The following CREB5 variants were observed in gnomAD, a reference collection of about 807,000 sequenced individuals.
CREB5 encodes cyclic AMP-responsive element-binding protein 5.
A neutral mutation model predicts 57.1 loss-of-function variants in CREB5; 19 were observed. The observed-to-expected ratio is 0.33, with a 90% confidence interval of 0.23 to 0.49. CREB5 has a LOEUF of 0.49. CREB5 is among the 20% of genes least tolerant of loss of function. CREB5 has a pLI of 0.99. For missense variants in CREB5, 579 were observed against 671.6 expected (o/e 0.86, Z 1.52); for synonymous variants, 238 against 238.3 (o/e 1.00, Z 0.01).
chr7:28,497,104 G>C (rs1792089639), intron 3 of CREB5, among the ~76,000 whole-genome samples: 1 of 152,194 alleles, frequency 6.6e-6, no homozygotes, highest in Admixed American at 6.5e-5. Context: ...CTGCCTGGTG[G>C]TAAAGGAGTG....
chr7:28,485,456 A>G (rs1057191797), intron 1 of CREB5, among the ~76,000 whole-genome samples: 1 of 151,940 alleles, frequency 6.6e-6, no homozygotes, highest in Non-Finnish European at 1.5e-5. Context: ...TTATAATTTT[A>G]TAAATAGATA....
rs575553199 is a variant in CREB5 at position 28,550,623 on chromosome 7, C to T, written c.292-19742C>T. ...ATCCCTTACTTCCTCACCTTCTCCG[C>T]CTCCCACCTATAAAATGTTCTTGGG... is the stretch of plus-strand genomic sequence containing the variant. On this transcript the variant is annotated intron_variant, in intron 4 of 10. Coordinates refer to ENST00000357727, the MANE Select transcript of CREB5 (RefSeq NM_182898.4). 1.1e-4 allele frequency among the ~76,000 whole-genome samples: 17 copies of T among 152,300 alleles called. No individual in the cohort carries two copies. In the East Asian group the frequency reaches 1.7e-3, roughly 16 times the overall value.
At chr7:28,538,056 G>A (rs1794041079) in intron 4 of CREB5, among the ~76,000 whole-genome samples, 1 of 151,714 alleles carries the variant, frequency 6.6e-6, no homozygotes. Context: ...GTTTTGTTTT[G>A]TTTTTATTTT....
At chr7:28,637,046 TG>T (rs1356453094) in intron 5 of CREB5, among the ~76,000 whole-genome samples, 1 of 151,946 alleles carries the variant, frequency 6.6e-6, no homozygotes, top group African/African-American at 2.4e-5. Flanking sequence ...CCCAGCTACT[TG>T]GGAGGCTGAG....
At chr7:28,761,038 T>C (rs750238202) in intron 7 of CREB5, among the ~76,000 whole-genome samples, 1 of 152,222 alleles carries the variant, frequency 6.6e-6, no homozygotes, top group Non-Finnish European at 1.5e-5. Context: ...TTTGCCTACA[T>C]GCGCTTCCTC....
At chr7:28,593,667 T>C (rs1052764748) in intron 5 of CREB5, among the ~76,000 whole-genome samples, 1 of 152,220 alleles carries the variant, frequency 6.6e-6, no homozygotes, top group African/African-American at 2.4e-5. Flanking sequence ...GAGCTTTGCA[T>C]TTATTTCCAC....
intron 3 of CREB5, among the ~76,000 whole-genome samples, chr7:28,506,568 G>A (rs6969546): frequency 0.2 from 30,264 of 152,208 alleles, 3,332 homozygotes; most frequent in African/African-American, 0.28. Flanking sequence ...CCTTAAGCAA[G>A]ACTGTTAATT....
chr7:28,646,795 T>C (rs1798906078), intron 5 of CREB5, among the ~76,000 whole-genome samples: 1 of 152,142 alleles, frequency 6.6e-6, no homozygotes. Flanking sequence ...GCAAATGAGA[T>C]TTTTTTAAAA....
At chr7:28,678,659 A>G (rs1221265206) in intron 5 of CREB5, among the ~76,000 whole-genome samples, 1 of 152,254 alleles carries the variant, frequency 6.6e-6, no homozygotes, top group African/African-American at 2.4e-5. Context: ...TTTGGAAACC[A>G]AAATATTATG....
At chr7:28,535,781 G>T (rs138254084) in intron 4 of CREB5, among the ~76,000 whole-genome samples, 29 of 152,252 alleles carry the variant, frequency 1.9e-4, no homozygotes, top group African/African-American at 6.7e-4. Flanking sequence ...TTCTAGGAAA[G>T]GTTCTTTCTG....
chr7:28,417,823 A>G (rs1788087068), intron 1 of CREB5, among the ~76,000 whole-genome samples: 1 of 152,252 alleles, frequency 6.6e-6, no homozygotes, highest in South Asian at 2.1e-4. Flanking sequence ...TTAAGAAAAT[A>G]TAACTGATAA....
At chr7:28,327,906 T>G (rs1009403183) in intron 1 of CREB5, among the ~76,000 whole-genome samples, 3 of 152,208 alleles carry the variant, frequency 2.0e-5, no homozygotes, top group Admixed American at 2.0e-4. Context: ...TTCCACTTCC[T>G]TTTTCAAAAA....
intron 1 of CREB5, among the ~76,000 whole-genome samples, chr7:28,314,881 G>A (rs567904438): frequency 8.5e-5 from 13 of 152,304 alleles, no homozygotes; most frequent in South Asian, 4.1e-4. Flanking sequence ...GCACATCAGC[G>A]TGTTGAAGGC....
chr7:28,710,589 GCCCA>G (rs2128742841), intron 5 of CREB5, among the ~76,000 whole-genome samples: 1 of 152,184 alleles, frequency 6.6e-6, no homozygotes, highest in Non-Finnish European at 1.5e-5. Flanking sequence ...GGAGTTTTAA[GCCCA>G]CCTGGGCACC....
At chr7:28,654,399 C>T (rs975202624) in intron 5 of CREB5, among the ~76,000 whole-genome samples, 8 of 152,088 alleles carry the variant, frequency 5.3e-5, no homozygotes, top group Non-Finnish European at 1.0e-4. Context: ...CTTTGAGGCT[C>T]GCAAATGGCA....
At position 28,520,385 on chromosome 7, in the gene CREB5, C is replaced by A. The variant is rs147149655; in HGVS notation, c.291+12648C>A. On this transcript the variant is annotated intron_variant, in intron 4 of 10. Transcript: ENST00000357727. ...ATATTAGCCAGTTGGGGCATGAGGTCCAAACAAGAATTACTCATATTTGCA... is the reference window on the plus strand; with the variant it reads ...ATATTAGCCAGTTGGGGCATGAGGTACAAACAAGAATTACTCATATTTGCA... Among the ~76,000 whole-genome samples, 334 of 152,264 alleles carry A rather than the reference C, an allele frequency of 2.2e-3. 2 individuals are homozygous for A. Among genetic ancestry groups the A allele is most frequent in the African/African-American group, 7.5e-3 (313 of 41,550 alleles).
intron 3 of CREB5, among the ~76,000 whole-genome samples, chr7:28,496,507 G>T (rs1244645573): frequency 6.6e-6 from 1 of 152,150 alleles, no homozygotes; most frequent in Non-Finnish European, 1.5e-5. Context: ...GGGAGGAAGG[G>T]CACAGGTGAT....
chr7:28,595,018 A>G (rs1274101835), intron 5 of CREB5, among the ~76,000 whole-genome samples: 2 of 152,098 alleles, frequency 1.3e-5, no homozygotes, highest in African/African-American at 4.8e-5. Context: ...TTAGTCATTC[A>G]TTGAATATTT....
At chr7:28,467,012 G>C (rs75203510) in intron 1 of CREB5, among the ~76,000 whole-genome samples, 7,297 of 152,304 alleles carry the variant, frequency 0.048, 561 homozygotes, top group African/African-American at 0.17. Context: ...AGCCTGGAGG[G>C]ACAGGGGGCC....
Sources: allele counts gnomAD v4.1 joint callset (sites outside exome capture counted in the v4.1 genomes callset), GRCh38; gene constraint gnomAD v4.1.1; transcripts MANE v1.5; gene names NCBI Gene and HGNC (gene_info 2026-07-23, HGNC 2026-07-21).